SLFN5: variants seen among roughly 807,000 people sequenced by gnomAD.
SLFN5 encodes the protein schlafen family member 5.
A neutral mutation model predicts 48.5 loss-of-function variants in SLFN5; 34 were observed. The ratio of observed to expected loss-of-function variants is 0.70; its 90% CI spans 0.53 to 0.93. SLFN5 has a LOEUF of 0.93. SLFN5 is among the 40% of genes least tolerant of loss of function. The pLI is 0.00. For synonymous variants in SLFN5, 387 were observed against 396.2 expected (o/e 0.98, Z 0.28); for missense variants, 1,006 against 1,071.3 (o/e 0.94, Z 0.85).
At chr17:35,245,814 G>A (rs527700700) in intron 1 of SLFN5, among the ~76,000 whole-genome samples, 1 of 146,228 alleles carries the variant, frequency 6.8e-6, no homozygotes, top group Admixed American at 7.2e-5. Context: ...ACAAGTCTTT[G>A]TATGGACATA....
At position 35,267,687 on chromosome 17, in the gene SLFN5, T is replaced by C. The variant is rs1188923155; in HGVS notation, c.*1799T>C. On this transcript the variant is annotated 3_prime_UTR_variant, in exon 5 of 5. Transcript: ENST00000299977. ...GTGAGCTATGATCATACCAGTGCAC[T>C]CCAGTCTGGGTGACAGAACAAGACC... 6.6e-6 allele frequency: 1 copy of C among 151,812 alleles called. No individual in the cohort carries two copies. Among genetic ancestry groups the C allele is most frequent in the Non-Finnish European group, 1.5e-5 (1 of 67,966 alleles). The allele number at this position is 151,812 out of a possible 1,614,324, so 9.4% of individuals were successfully genotyped here.
intron 1 of SLFN5, among the ~76,000 whole-genome samples, chr17:35,247,116 G>A (rs763405619): frequency 2.6e-5 from 4 of 152,164 alleles, no homozygotes; most frequent in African/African-American, 7.2e-5. Context: ...ATAACTGACA[G>A]CATCCTTAAT....
rs773212188 is a variant in SLFN5, at chr17:35,248,092, A to G, written c.-41+4949A>G. ...AGCTCTCATGGGGTCTTCTAAGTCT[A>G]AATACCCTCCTCATCTAGGAGAAAC... On this transcript the variant is annotated intron_variant, in intron 1 of 4. Coordinates refer to ENST00000299977, the MANE Select transcript of SLFN5 (RefSeq NM_144975.4). 2.4e-4 allele frequency among the ~76,000 whole-genome samples: 37 copies of G among 152,296 alleles called. No individual in the cohort carries two copies. The Middle Eastern group carries it at 0.014, about 56-fold the overall frequency.
chr17:35,262,152 A>G (rs1329921694), intron 3 of SLFN5, among the ~76,000 whole-genome samples: 2 of 152,070 alleles, frequency 1.3e-5, no homozygotes, highest in African/African-American at 4.8e-5. Flanking sequence ...AGGCCAATGC[A>G]GGCGGATCAC....
At chr17:35,252,926 A>G (rs1217156068) in intron 1 of SLFN5, among the ~76,000 whole-genome samples, 1 of 151,976 alleles carries the variant, frequency 6.6e-6, no homozygotes, top group Non-Finnish European at 1.5e-5. Flanking sequence ...ATTTCTAAAC[A>G]GCATGCTTAT....
At chr17:35,255,409 A>C (rs550627480) in intron 1 of SLFN5, among the ~76,000 whole-genome samples, 1 of 152,362 alleles carries the variant, frequency 6.6e-6, no homozygotes, top group South Asian at 2.1e-4. Context: ...CATAGAAAAC[A>C]CTGAATCTGC....
chr17:35,269,300 T>C lies in SLFN5; in HGVS notation c.*3412T>C, dbSNP rs1385817038. On this transcript the variant is annotated 3_prime_UTR_variant, in exon 5 of 5. Transcript: ENST00000299977. The stretch of plus-strand genomic sequence containing the variant: ...AGGAAATCTAGCTAAGCAAGCAACA[T>C]GTACAAATAAAAGATTATTATAATT... 1 of 152,178 alleles carries C rather than the reference T, an allele frequency of 6.6e-6. No homozygotes were observed. The highest frequency in any genetic ancestry group is 1.5e-5 in the Non-Finnish European group (1 of 68,038). The allele number at this position is 152,178 out of a possible 1,614,324, so 9.4% of individuals were successfully genotyped here.
At chr17:35,248,493 C>T (rs1012373232) in intron 1 of SLFN5, among the ~76,000 whole-genome samples, 3 of 152,002 alleles carry the variant, frequency 2.0e-5, no homozygotes, top group African/African-American at 7.2e-5. Context: ...CTCTTTTCCC[C>T]CTTATCCTTC....
In SLFN5 at chr17:35,268,958, T is replaced by G. The variant is rs1904768525; in HGVS notation, c.*3070T>G. On this transcript the variant is annotated 3_prime_UTR_variant, in exon 5 of 5. Transcript: ENST00000299977. ...GGATCAGTATCCTTCATTGACTGATTTCCAATATCTCGAGACCTGTTGTTT... is the reference window on the plus strand; with the variant it reads ...GGATCAGTATCCTTCATTGACTGATGTCCAATATCTCGAGACCTGTTGTTT... The G allele has an allele frequency of 6.6e-6, 1 of 152,224 alleles. No individual in the cohort carries two copies. Among genetic ancestry groups the G allele is most frequent in the Admixed American group, 6.5e-5 (1 of 15,282 alleles). The allele number at this position is 152,224 out of a possible 1,614,324, so 9.4% of individuals were successfully genotyped here. A position where few individuals can be genotyped will look rare whatever the true frequency, so the allele number is the denominator to read the frequency against.
rs775553895 is a variant in SLFN5, at chr17:35,265,302, C to T, written c.2090C>T (p.Pro697Leu). The change falls in exon 5 of 5, where the codon CCC (proline) becomes CTC (leucine). Residue 697 changes from proline to leucine, a missense_variant. Coordinates refer to ENST00000299977, the MANE Select transcript of SLFN5 (RefSeq NM_144975.4). ...TATCACTTGAGTTGCAGTGGCCTCC[C>T]CCCTCCCTCAGACCAGTATCCAAGA... is the stretch of plus-strand genomic sequence containing the variant. ...QTYHLSCSGL[P>L]PPSDQYPREE... 14 of 1,614,016 alleles carry T rather than the reference C, an allele frequency of 8.7e-6. No individual in the cohort carries two copies. Among genetic ancestry groups the T allele is most frequent in the Non-Finnish European group, 1.2e-5 (14 of 1,180,042 alleles).
At position 35,265,091 on chromosome 17, in the gene SLFN5, T is replaced by C; in HGVS notation, c.1879T>C (p.Cys627Arg). 6.2e-7 allele frequency: 1 copy of C among 1,610,424 alleles called. No homozygotes were observed. The highest frequency in any genetic ancestry group is 8.5e-7 in the Non-Finnish European group (1 of 1,178,388). ...KLVSFSKKNI[C>R]QPVTRKTFMK... ...TTACAGTTTCAGCAAGAAAAACATCTGCCAGCCAGTGACCCGGAAAACCTT... is the reference window on the plus strand; with the variant it reads ...TTACAGTTTCAGCAAGAAAAACATCCGCCAGCCAGTGACCCGGAAAACCTT... The change falls in exon 5 of 5, where the codon TGC becomes CGC. Residue 627 changes from cysteine to arginine, a missense_variant. Physicochemically the swap from Cys to Arg is radical, Grantham distance 180. Coordinates refer to ENST00000299977, the MANE Select transcript of SLFN5 (RefSeq NM_144975.4).
At chr17:35,252,693 T>C (rs1171672806) in intron 1 of SLFN5, among the ~76,000 whole-genome samples, 4 of 152,138 alleles carry the variant, frequency 2.6e-5, no homozygotes, top group Non-Finnish European at 5.9e-5. Flanking sequence ...TTTTTTCTAG[T>C]GTTCATCAAA....
In SLFN5 at chr17:35,265,614, A is replaced by G; in HGVS notation, c.2402A>G (p.Glu801Gly). ...AVLFTKASEV[E>G]KYKDRLLTAM... ...CTTTTCACCAAAGCAAGTGAAGTGG[A>G]AAAATATAAAGACAGGCTTCTAACA... Residue 801 changes from glutamate (E) to glycine (G), a missense_variant, in exon 5 of 5, where the codon GAA becomes GGA. Glu to Gly is a moderately conservative substitution (Grantham distance 98). Transcript: ENST00000299977. 6.2e-7 allele frequency: 1 copy of G among 1,614,202 alleles called. No individual in the cohort carries two copies. The highest frequency in any genetic ancestry group is 8.5e-7 in the Non-Finnish European group (1 of 1,180,028).
Position 35,258,992 on chromosome 17 carries a change from C to T in SLFN5, c.302C>T (p.Ser101Leu), listed in dbSNP as rs1421647677. Reference sequence around the variant, plus strand: ...AACCACTTTTTGATTTTTGTGAAATCATGGAACACAGAGGCTGGTGTGCCA... The same window carrying T: ...AACCACTTTTTGATTTTTGTGAAATTATGGAACACAGAGGCTGGTGTGCCA... The part of the protein sequence containing the change: ...KENHFLIFVK[S>L]WNTEAGVPLA... The change falls in exon 2 of 5, where the codon TCA becomes TTA. Residue 101 changes from serine to leucine, a missense_variant. Ser to Leu is a moderately radical substitution (Grantham distance 145, BLOSUM62 -2). Coordinates refer to ENST00000299977, the MANE Select transcript of SLFN5 (RefSeq NM_144975.4). 6.2e-7 allele frequency: 1 copy of T among 1,614,030 alleles called. No individual in the cohort carries two copies. Among genetic ancestry groups the T allele is most frequent in the Non-Finnish European group, 8.5e-7 (1 of 1,180,038 alleles).
chr17:35,263,040 C>T (rs1597654371), intron 3 of SLFN5, among the ~76,000 whole-genome samples: 1 of 152,296 alleles, frequency 6.6e-6, no homozygotes, highest in East Asian at 1.9e-4. Context: ...CTAATGCCTT[C>T]CTCACCATCC....
rs765591777 is a variant in SLFN5, at chr17:35,264,259, C to G, written c.1215C>G (p.Asp405Glu). The G allele has an allele frequency of 6.2e-7, 1 of 1,614,118 alleles. No individual in the cohort carries two copies. Among genetic ancestry groups the G allele is most frequent in the Non-Finnish European group, 8.5e-7 (1 of 1,180,036 alleles). Residue 405 changes from aspartate to glutamate, a missense_variant, in exon 4 of 5, where the codon GAC becomes GAG. Transcript: ENST00000299977. ...ELFSQHKGLR[D>E]LINTEMRPFS... ...TCTCACAACATAAAGGACTCAGAGACTTAATAAATACAGAAATGCGCCCTT... is the reference window on the plus strand; with the variant it reads ...TCTCACAACATAAAGGACTCAGAGAGTTAATAAATACAGAAATGCGCCCTT...
intron 1 of SLFN5, among the ~76,000 whole-genome samples, chr17:35,254,357 C>T (rs2092449924): frequency 6.6e-6 from 1 of 152,192 alleles, no homozygotes; most frequent in Admixed American, 6.5e-5. Context: ...TGTAGGCCTG[C>T]TCTGCAGCTG....
At chr17:35,261,178 C>T (rs1904511244) in intron 3 of SLFN5, 82 bp downstream of exon 3, 1 of 1,480,590 alleles carries the variant, frequency 6.8e-7, no homozygotes, top group African/African-American at 1.4e-5. Flanking sequence ...ATATTATATA[C>T]AGAATCAATT....
At chr17:35,253,085 G>A (rs531608397) in intron 1 of SLFN5, among the ~76,000 whole-genome samples, 35 of 152,190 alleles carry the variant, frequency 2.3e-4, no homozygotes, top group African/African-American at 8.2e-4. Flanking sequence ...CCAAGGTGCT[G>A]AGAGATTTGG....
Sources: allele counts gnomAD v4.1 joint callset (sites outside exome capture counted in the v4.1 genomes callset), GRCh38; gene constraint gnomAD v4.1.1; transcripts MANE v1.5; gene names NCBI Gene and HGNC (gene_info 2026-07-23, HGNC 2026-07-21).